The following MAGI2 variants were observed in gnomAD, a reference collection of about 807,000 sequenced individuals.
The protein encoded by MAGI2 is membrane-associated guanylate kinase, WW and PDZ domain-containing protein 2.
Under a neutral mutation model 133.3 loss-of-function variants are expected in MAGI2, and 35 were observed. The observed-to-expected ratio is 0.26, with a 90% CI of 0.20 to 0.35. The LOEUF (loss-of-function observed/expected upper bound fraction) is 0.35. Ranked by LOEUF, MAGI2 falls within the 10% of genes least tolerant of loss-of-function variation. The pLI, the probability that MAGI2 is intolerant of heterozygous loss-of-function variation, is 1.00. For synonymous variants in MAGI2, 729 were observed against 710.6 expected (o/e 1.03, Z -0.41); for missense variants, 1,636 against 1,863.4 (o/e 0.88, Z 2.25).
chr7:78,242,638 A>G (rs1426490479), intron 10 of MAGI2, among the ~76,000 whole-genome samples: 2 of 152,190 alleles, frequency 1.3e-5, no homozygotes, highest in Non-Finnish European at 2.9e-5. Context: ...AATCTTTTCA[A>G]ATACCTGGTG....
chr7:79,178,594 C>T (rs142257623), intron 1 of MAGI2, among the ~76,000 whole-genome samples: 2,175 of 151,754 alleles, frequency 0.014, 74 homozygotes, highest in African/African-American at 0.049. Context: ...CAACTGTAGT[C>T]CCAGCTACTC....
At chr7:78,118,215 G>A (rs866679182) in intron 20 of MAGI2, among the ~76,000 whole-genome samples, 45 of 152,100 alleles carry the variant, frequency 3.0e-4, no homozygotes, top group African/African-American at 1.0e-3. Context: ...AATGGATCCC[G>A]ATCTAAATGT....
intron 1 of MAGI2, among the ~76,000 whole-genome samples, chr7:79,318,290 C>T (rs1838899125): frequency 6.6e-6 from 1 of 151,926 alleles, no homozygotes; most frequent in Non-Finnish European, 1.5e-5. Flanking sequence ...TATTAATCAT[C>T]AGTAGGTTGA....
chr7:79,449,036 T>G (rs1351304305), intron 1 of MAGI2, among the ~76,000 whole-genome samples: 2 of 152,168 alleles, frequency 1.3e-5, no homozygotes. Context: ...TCAAAATGTT[T>G]AAACAATGTT....
chr7:78,071,214 G>A (rs1814651542), intron 21 of MAGI2, among the ~76,000 whole-genome samples: 1 of 152,132 alleles, frequency 6.6e-6, no homozygotes, highest in Non-Finnish European at 1.5e-5. Flanking sequence ...TGAGCATCAG[G>A]GAAAAGGAAT....
chr7:78,152,535 C>G (rs997210046), intron 16 of MAGI2, among the ~76,000 whole-genome samples: 2 of 152,188 alleles, frequency 1.3e-5, no homozygotes, highest in African/African-American at 4.8e-5. Context: ...CCCCCCTTAG[C>G]CCCTGGCTAC....
At chr7:79,346,654 T>C (rs978323706) in intron 1 of MAGI2, among the ~76,000 whole-genome samples, 7 of 151,984 alleles carry the variant, frequency 4.6e-5, no homozygotes, top group African/African-American at 1.4e-4. Flanking sequence ...TCTGGTAGTA[T>C]ATTTATCTTA....
At chr7:79,345,093 C>T (rs1183742769) in intron 1 of MAGI2, among the ~76,000 whole-genome samples, 1 of 151,944 alleles carries the variant, frequency 6.6e-6, no homozygotes, top group Non-Finnish European at 1.5e-5. Context: ...GTTGAAGTCC[C>T]AACTCCAAGT....
intron 6 of MAGI2, among the ~76,000 whole-genome samples, chr7:78,458,652 T>TTTTTTTCA (rs1789610938): frequency 6.8e-6 from 1 of 147,676 alleles, no homozygotes. Flanking sequence ...TTTTTTTTTT[T>TTTTTTTCA]GAGACAGAGT....
At chr7:78,493,108 G>A (rs1793771146) in intron 5 of MAGI2, among the ~76,000 whole-genome samples, 2 of 152,122 alleles carry the variant, frequency 1.3e-5, no homozygotes, top group African/African-American at 4.8e-5. Flanking sequence ...ACTAAACACT[G>A]GGTCTGTCTA....
At chr7:78,783,352 G>C (rs996169165) in intron 2 of MAGI2, among the ~76,000 whole-genome samples, 20 of 152,096 alleles carry the variant, frequency 1.3e-4, no homozygotes, top group African/African-American at 4.8e-4. Context: ...GGAGAAAAAG[G>C]ACTGTTTTCC....
chr7:78,754,410 T>C (rs2151285485), intron 2 of MAGI2, among the ~76,000 whole-genome samples: 1 of 151,658 alleles, frequency 6.6e-6, no homozygotes, highest in Non-Finnish European at 1.5e-5. Flanking sequence ...AATAAATAAA[T>C]GCTGAAAGTT....
At chr7:78,988,977 T>C (rs144494873) in intron 2 of MAGI2, among the ~76,000 whole-genome samples, 185 of 151,998 alleles carry the variant, frequency 1.2e-3, no homozygotes, top group African/African-American at 4.1e-3. Context: ...TAACAGAAAA[T>C]AAATAGTTGC....
At chr7:78,648,794 G>A (rs1398141048) in intron 2 of MAGI2, among the ~76,000 whole-genome samples, 4 of 151,204 alleles carry the variant, frequency 2.6e-5, no homozygotes, top group African/African-American at 4.9e-5. Context: ...TATCTATTCT[G>A]AAAGTTGAGA....
chr7:79,064,136 G>C (rs1814069628), intron 1 of MAGI2, among the ~76,000 whole-genome samples: 1 of 151,940 alleles, frequency 6.6e-6, no homozygotes, highest in Non-Finnish European at 1.5e-5. Flanking sequence ...TAGTCACATG[G>C]AATGCTTTCT....
At chr7:79,128,513 C>T (rs1820633265) in intron 1 of MAGI2, among the ~76,000 whole-genome samples, 1 of 152,130 alleles carries the variant, frequency 6.6e-6, no homozygotes, top group African/African-American at 2.4e-5. Flanking sequence ...TATTAACTAA[C>T]TTGTATCATC....
chr7:79,403,249 T>C lies in MAGI2; in HGVS notation c.301+49771A>G, dbSNP rs570856498. On this transcript the variant is annotated intron_variant, in intron 1 of 21. Coordinates refer to ENST00000354212, the MANE Select transcript of MAGI2 (RefSeq NM_012301.4). ...TTTGTTTTCATGTATTCATTACTTG[T>C]ATGTTTACTGCTTTCTCTCTATGTC... Among the ~76,000 whole-genome samples, 10 of 152,328 alleles carry C rather than the reference T, an allele frequency of 6.6e-5. No homozygotes were observed. The South Asian group carries it at 1.9e-3, about 28-fold the overall frequency.
chr7:78,061,188 T>TC (rs1813212116), intron 21 of MAGI2, among the ~76,000 whole-genome samples: 1 of 151,060 alleles, frequency 6.6e-6, no homozygotes, highest in Non-Finnish European at 1.5e-5. Flanking sequence ...GTTTTCTTTT[T>TC]TTTTTTAGAT....
intron 14 of MAGI2, among the ~76,000 whole-genome samples, chr7:78,176,645 T>C (rs545689149): frequency 1.4e-4 from 21 of 152,238 alleles, no homozygotes; most frequent in Admixed American, 3.9e-4. Flanking sequence ...GATTAACTTT[T>C]TTCTCCTGAA....
Sources: gnomAD v4.1 joint callset for allele counts (sites outside exome capture counted in the v4.1 genomes callset) on GRCh38, gnomAD v4.1.1 for gene constraint, MANE v1.5 for transcripts, NCBI Gene and HGNC (gene_info 2026-07-23, HGNC 2026-07-21) for gene names.